Variants in GPC5 observed in about 807,000 individuals in gnomAD.
GPC5 encodes the protein glypican-5.
GPC5 carries 47 observed loss-of-function variants against 53.9 expected under a neutral mutation model. The observed-to-expected ratio is 0.87, with a 90% CI of 0.69 to 1.11. The LOEUF (loss-of-function observed/expected upper bound fraction) is 1.11, where lower values mean the gene tolerates loss of function less well. Ranked by LOEUF, GPC5 falls within the 50% of genes most tolerant of loss-of-function variation. The pLI is 0.00. For synonymous variants in GPC5, 286 were observed against 263.3 expected, an observed-to-expected ratio of 1.09 and a Z score of -0.84; for missense variants, 748 against 713.1, an observed-to-expected ratio of 1.05 and a Z score of -0.56.
chr13:91,496,439 A>G (rs1884267978), intron 2 of GPC5, among the ~76,000 whole-genome samples: 1 of 152,250 alleles, frequency 6.6e-6, no homozygotes, highest in Admixed American at 6.5e-5. Context: ...ACGGAGCACT[A>G]TTCAACCATA....
chr13:92,261,288 G>A (rs980339628), intron 7 of GPC5, among the ~76,000 whole-genome samples: 3 of 152,070 alleles, frequency 2.0e-5, no homozygotes, highest in African/African-American at 7.2e-5. Flanking sequence ...AAACTATTTA[G>A]AATCATACAA....
At chr13:91,422,576 C>T (rs956065477) in intron 1 of GPC5, among the ~76,000 whole-genome samples, 5 of 151,860 alleles carry the variant, frequency 3.3e-5, no homozygotes, top group African/African-American at 1.2e-4. Flanking sequence ...GCAGAGTTTG[C>T]AGTGAGCCCA....
intron 5 of GPC5, among the ~76,000 whole-genome samples, chr13:91,776,022 G>A (rs539117410): frequency 6.6e-6 from 1 of 152,262 alleles, no homozygotes; most frequent in South Asian, 2.1e-4. Flanking sequence ...CATTGCATCT[G>A]GTCAGTAGAA....
intron 7 of GPC5, among the ~76,000 whole-genome samples, chr13:92,653,178 G>C (rs2090760683): frequency 1.3e-5 from 2 of 152,208 alleles, no homozygotes; most frequent in Admixed American, 1.3e-4. Context: ...AGGAAACTCA[G>C]AAGGATAGGG....
intron 7 of GPC5, among the ~76,000 whole-genome samples, chr13:92,583,067 T>TGATC (rs150763811): frequency 0.14 from 21,859 of 152,142 alleles, 2,053 homozygotes; most frequent in Non-Finnish European, 0.21. Context: ...GTCTTGTTCC[T>TGATC]GATCACAGAG....
chr13:92,256,096 A>G (rs951951210), intron 7 of GPC5, among the ~76,000 whole-genome samples: 1 of 151,818 alleles, frequency 6.6e-6, no homozygotes, highest in Non-Finnish European at 1.5e-5. Flanking sequence ...TTCTTCATAT[A>G]TTCTTGATAA....
At chr13:92,288,474 G>T (rs12874257) in intron 7 of GPC5, among the ~76,000 whole-genome samples, 3 of 152,120 alleles carry the variant, frequency 2.0e-5, no homozygotes, top group African/African-American at 7.2e-5. Flanking sequence ...CATAAGGACT[G>T]TATTCATTGT....
rs1233840656 is a variant in GPC5, at chr13:92,476,367, T to A, written c.1561+331378T>A. ...AGATACCATCTCACACCAGTTAGAATGGCAATCATTAAAAAGTCAGGAAAC... is the reference window on the plus strand; with the variant it reads ...AGATACCATCTCACACCAGTTAGAAAGGCAATCATTAAAAAGTCAGGAAAC... On this transcript the variant is annotated intron_variant, in intron 7 of 7. Transcript: ENST00000377067. Among the ~76,000 whole-genome samples the A allele has an allele frequency of 2.1e-4, 32 of 151,542 alleles. 1 individual carries two copies. In the South Asian group the frequency reaches 6.5e-3, roughly 31 times the overall value.
intron 2 of GPC5, chr13:91,486,354 C>G (rs936108784): frequency 6.6e-6 from 1 of 152,220 alleles, no homozygotes; most frequent in African/African-American, 2.4e-5. Flanking sequence ...TGCTTCTTAA[C>G]TAGACATTGG....
At chr13:92,641,510 T>C (rs933002938) in intron 7 of GPC5, among the ~76,000 whole-genome samples, 2 of 152,190 alleles carry the variant, frequency 1.3e-5, no homozygotes, top group Non-Finnish European at 2.9e-5. Flanking sequence ...CTACATAGAT[T>C]AGATGAAAAT....
intron 7 of GPC5, among the ~76,000 whole-genome samples, chr13:92,174,680 C>T (rs2042097016): frequency 6.6e-6 from 1 of 152,140 alleles, no homozygotes; most frequent in Non-Finnish European, 1.5e-5. Flanking sequence ...GAGCACCTTG[C>T]TGGGCATCAG....
intron 7 of GPC5, among the ~76,000 whole-genome samples, chr13:92,176,828 A>G (rs1415556793): frequency 6.6e-6 from 1 of 152,120 alleles, no homozygotes; most frequent in African/African-American, 2.4e-5. Context: ...CTGGAGACCT[A>G]GGTATACACT....
rs1430931836 is a variant in GPC5 at position 91,661,813 on chromosome 13, G to A, written c.326-31374G>A. Among the ~76,000 whole-genome samples the A allele has an allele frequency of 3.3e-5, 5 of 152,276 alleles. No homozygotes were observed. In the East Asian group the frequency reaches 9.7e-4, roughly 29 times the overall value. ...GGAATCAGAGAAAGTGAGAGAATTA[G>A]GAGAGGAAGTGAGAGAAGCAACGAG... is the stretch of plus-strand genomic sequence containing the variant. On this transcript the variant is annotated intron_variant, in intron 2 of 7. Transcript: ENST00000377067.
At chr13:91,646,698 T>G (rs562845306) in intron 2 of GPC5, among the ~76,000 whole-genome samples, 1 of 152,138 alleles carries the variant, frequency 6.6e-6, no homozygotes, top group African/African-American at 2.4e-5. Context: ...GATTCTACCT[T>G]AAATATATGC....
chr13:92,705,396 C>G (rs919039098), intron 7 of GPC5, among the ~76,000 whole-genome samples: 9 of 151,948 alleles, frequency 5.9e-5, no homozygotes, highest in Admixed American at 5.2e-4. Context: ...TTTTATAGGG[C>G]AATGTCTACT....
intron 2 of GPC5, among the ~76,000 whole-genome samples, chr13:91,449,735 T>C (rs917296732): frequency 6.6e-6 from 1 of 152,182 alleles, no homozygotes; most frequent in African/African-American, 2.4e-5. Flanking sequence ...ATAAAATTAA[T>C]AGGTTATAAA....
At chr13:92,160,410 T>C (rs2041978533) in intron 7 of GPC5, among the ~76,000 whole-genome samples, 1 of 152,200 alleles carries the variant, frequency 6.6e-6, no homozygotes, top group Non-Finnish European at 1.5e-5. Flanking sequence ...GGAGTAAAAC[T>C]GTTACAATTT....
At chr13:91,616,126 T>C (rs2139336564) in intron 2 of GPC5, among the ~76,000 whole-genome samples, 1 of 152,250 alleles carries the variant, frequency 6.6e-6, no homozygotes, top group African/African-American at 2.4e-5. Flanking sequence ...GTAAGGGGGC[T>C]TATATTGCCT....
intron 7 of GPC5, among the ~76,000 whole-genome samples, chr13:92,212,318 G>C (rs1314460037): frequency 6.6e-6 from 1 of 152,042 alleles, no homozygotes; most frequent in Non-Finnish European, 1.5e-5. Context: ...ATCGTGATTT[G>C]GACTGAGGAC....
Sources: gnomAD v4.1 joint callset for allele counts (sites outside exome capture counted in the v4.1 genomes callset) on GRCh38, gnomAD v4.1.1 for gene constraint, MANE v1.5 for transcripts, NCBI Gene and HGNC (gene_info 2026-07-23, HGNC 2026-07-21) for gene names.